Variants in ACSL1 observed in about 807,000 individuals in gnomAD.
ACSL1 encodes the protein acyl-CoA synthetase long chain family member 1.
Under a neutral mutation model 98.4 loss-of-function variants are expected in ACSL1, and 41 were observed. The ratio of observed to expected loss-of-function variants is 0.42; its 90% CI spans 0.32 to 0.54. The LOEUF (loss-of-function observed/expected upper bound fraction) is 0.54. Ranked by LOEUF, ACSL1 falls within the 20% of genes least tolerant of loss-of-function variation. The pLI is 0.13. For synonymous variants in ACSL1, 316 were observed against 322.7 expected, an observed-to-expected ratio of 0.98 and a Z score of 0.22; for missense variants, 734 against 883.1, an observed-to-expected ratio of 0.83 and a Z score of 2.14.
intron 16 of ACSL1, among the ~76,000 whole-genome samples, chr4:184,762,890 C>T (rs1253985336): frequency 6.6e-6 from 1 of 152,214 alleles, no homozygotes; most frequent in East Asian, 1.9e-4. Flanking sequence ...GACCTTCGTC[C>T]CAGGAACTGA....
intron 1 of ACSL1, among the ~76,000 whole-genome samples, chr4:184,811,140 A>G (rs748528377): frequency 6.6e-5 from 10 of 151,646 alleles, no homozygotes; most frequent in Non-Finnish European, 1.2e-4. Context: ...ACAGAGTCTC[A>G]CTTTGTCGCC....
At chr4:184,758,055 C>A (rs984080090) in intron 18 of ACSL1, 135 bp from the exon 19 acceptor site, 4 of 788,798 alleles carry the variant, frequency 5.1e-6, no homozygotes, top group Non-Finnish European at 8.1e-6. Context: ...AACATACTAC[C>A]CCCCTCCCCC....
chr4:184,783,123 G>A (rs973126696), intron 4 of ACSL1, among the ~76,000 whole-genome samples: 17 of 152,160 alleles, frequency 1.1e-4, no homozygotes, highest in African/African-American at 3.4e-4. Flanking sequence ...TGCCTGTTCC[G>A]GGGTGCCGTG....
Position 184,811,284 on chromosome 4 carries a change from T to G in ACSL1, c.-32-7738A>C, listed in dbSNP as rs1225412807. Among the ~76,000 whole-genome samples, 5 of 152,044 alleles carry G rather than the reference T, an allele frequency of 3.3e-5. No individual in the cohort carries two copies. In the East Asian group the frequency reaches 5.8e-4, roughly 18 times the overall value. ...CCACCACGCCTGGCTAATTTTTTTT[T>G]TGTATTTTTAGTAGAGACGGGGTTT... On this transcript the variant is annotated intron_variant, in intron 1 of 20. Transcript: ENST00000281455.
chr4:184,794,078 A>G (rs1768903501), intron 2 of ACSL1, among the ~76,000 whole-genome samples: 1 of 152,272 alleles, frequency 6.6e-6, no homozygotes, highest in South Asian at 2.1e-4. Context: ...AGACAATACC[A>G]TCCATTTATT....
rs367606198 is a variant in ACSL1 at position 184,816,761 on chromosome 4, T to G, written c.-33+9155A>C. Among the ~76,000 whole-genome samples the G allele has an allele frequency of 1.1e-4, 17 of 152,170 alleles. No homozygotes were observed. The East Asian group carries it at 1.9e-3, about 17-fold the overall frequency. ...ACATCCCAACACCCTGTCTCTCAGGTGACATTTCTGAGGCCTCCACGGCTC... is the reference window on the plus strand; with the variant it reads ...ACATCCCAACACCCTGTCTCTCAGGGGACATTTCTGAGGCCTCCACGGCTC... On this transcript the variant is annotated intron_variant, in intron 1 of 20. Transcript: ENST00000281455.
chr4:184,811,631 A>G (rs925664287), intron 1 of ACSL1, among the ~76,000 whole-genome samples: 1 of 151,972 alleles, frequency 6.6e-6, no homozygotes, highest in Non-Finnish European at 1.5e-5. Flanking sequence ...AGCAGCAGAG[A>G]GGTTACTGGG....
intron 14 of ACSL1, among the ~76,000 whole-genome samples, chr4:184,765,304 C>T (rs900500779): frequency 6.6e-6 from 1 of 152,196 alleles, no homozygotes; most frequent in South Asian, 2.1e-4. Flanking sequence ...AGGCTCATCA[C>T]CTGTGACCCA....
In ACSL1 at chr4:184,757,096, G is replaced by T. The variant is rs1348014841; in HGVS notation, c.*29C>A. On this transcript the variant is annotated 3_prime_UTR_variant, in exon 21 of 21. Transcript: ENST00000281455. The surrounding 1 kb of genome is among the most constrained non-coding windows in gnomAD (Gnocchi z 4.5). ...GCAGGAGAAGAGATTGTGGAACTGTGCCATTTCCTCTGAGCTTTCTTCTTC... is the reference window on the plus strand; with the variant it reads ...GCAGGAGAAGAGATTGTGGAACTGTTCCATTTCCTCTGAGCTTTCTTCTTC... The T allele has an allele frequency of 5.2e-6, 8 of 1,545,768 alleles. No homozygotes were observed. Among genetic ancestry groups the T allele is most frequent in the South Asian group, 1.2e-5 (1 of 83,904 alleles).
chr4:184,766,120 C>G lies in ACSL1; in HGVS notation c.1264-134G>C, dbSNP rs1306865595. ...GACCACACGGAGGCCACACGGAGAA[C>G]TCACAGCCCTCATGATGGCAGCACA... On this transcript the variant is annotated intron_variant, in intron 13 of 20. Transcript: ENST00000281455. The surrounding 1 kb of genome is among the most constrained non-coding windows in gnomAD (Gnocchi z 4.8). 1.3e-6 allele frequency: 1 copy of G among 741,748 alleles called. No homozygotes were observed. Among genetic ancestry groups the G allele is most frequent in the African/African-American group, 1.8e-5 (1 of 56,906 alleles). The allele number at this position is 741,748 out of a possible 1,614,324, so 45.9% of individuals were successfully genotyped here.
chr4:184,792,958 C>T lies in ACSL1; in HGVS notation c.196-4227G>A, dbSNP rs887113855. Among the ~76,000 whole-genome samples, 15 of 152,244 alleles carry T rather than the reference C, an allele frequency of 9.9e-5. No homozygotes were observed. The Middle Eastern group carries it at 0.014, about 138-fold the overall frequency. ...AAGTCCACGTAGCTATTTCTAGGGA[C>T]GCCTATTTAAATGAAAAATAGCTTA... On this transcript the variant is annotated intron_variant, in intron 2 of 20. Transcript: ENST00000281455.
At chr4:184,816,171 T>C (rs541841851) in intron 1 of ACSL1, among the ~76,000 whole-genome samples, 35 of 151,142 alleles carry the variant, frequency 2.3e-4, no homozygotes, top group Non-Finnish European at 3.7e-4. Context: ...TCACAGGCTA[T>C]GAGGTTCCCC....
At chr4:184,785,192 T>G (rs1001502566) in intron 3 of ACSL1, among the ~76,000 whole-genome samples, 1 of 152,190 alleles carries the variant, frequency 6.6e-6, no homozygotes, top group Non-Finnish European at 1.5e-5. Flanking sequence ...ACTACCAGGC[T>G]TTTTACAGAA....
chr4:184,812,204 C>T, intron 1 of ACSL1: 1 of 985,452 alleles, frequency 1.0e-6, no homozygotes, highest in South Asian at 4.7e-5. Context: ...TTCCTCTCCC[C>T]GGCCAGGGTC....
rs1462328684 is a variant in ACSL1, at chr4:184,825,675, C to CA, written c.-33+240dup. ...CCCCGCGCCCGCGCCGCCCGCGACT[C>CA]AGACACAGGAAGCTGCGGCAGCACG... On this transcript the variant is annotated intron_variant, in intron 1 of 20. Transcript: ENST00000281455. This position sits in a 1 kb window ranked among gnomAD's most constrained non-coding sequence, Gnocchi z 4.7. 3.9e-3 allele frequency among the ~76,000 whole-genome samples: 587 copies of CA among 149,884 alleles called. 6 individuals carry two copies. The highest frequency in any genetic ancestry group is 0.014 in the African/African-American group (559 of 41,248).
chr4:184,783,721 T>G (rs992890709), intron 4 of ACSL1, among the ~76,000 whole-genome samples: 1 of 152,242 alleles, frequency 6.6e-6, no homozygotes, highest in Non-Finnish European at 1.5e-5. Context: ...TGAAATACAA[T>G]GCTTTGAACC....
At chr4:184,807,180 A>G (rs1037275167) in intron 1 of ACSL1, among the ~76,000 whole-genome samples, 1 of 152,250 alleles carries the variant, frequency 6.6e-6, no homozygotes, top group Non-Finnish European at 1.5e-5. Context: ...TTGCTAACAA[A>G]TGGTAAAACT....
chr4:184,761,276 C>T (rs1031749551), intron 17 of ACSL1, among the ~76,000 whole-genome samples: 14 of 152,130 alleles, frequency 9.2e-5, no homozygotes, highest in African/African-American at 2.7e-4. Context: ...TCTCTTGAAC[C>T]GGAAGAGGGG....
chr4:184,796,525 T>A (rs1280070939), intron 2 of ACSL1, among the ~76,000 whole-genome samples: 6 of 152,218 alleles, frequency 3.9e-5, no homozygotes, highest in African/African-American at 1.4e-4. Flanking sequence ...TTTGCTCCCA[T>A]CTTCATTTGA....
Sources: gnomAD v4.1 joint callset for allele counts (sites outside exome capture counted in the v4.1 genomes callset) on GRCh38, gnomAD v4.1.1 for gene constraint, Gnocchi (gnomAD v3.1) non-coding constraint, MANE v1.5 for transcripts, NCBI Gene and HGNC (gene_info 2026-07-23, HGNC 2026-07-21) for gene names.